AGBL4: variants seen among roughly 807,000 people sequenced by gnomAD.
The protein encoded by AGBL4 is cytosolic carboxypeptidase 6.
A neutral mutation model predicts 66.4 loss-of-function variants in AGBL4; 58 were observed. The observed-to-expected ratio is 0.87, with a 90% CI of 0.71 to 1.09. The LOEUF is 1.09. Among genes scored for constraint, AGBL4 ranks in the 50% least tolerant of loss-of-function variants. The pLI, the probability that AGBL4 is intolerant of heterozygous loss-of-function variation, is 0.00. For missense variants in AGBL4, 579 were observed against 631.0 expected, an observed-to-expected ratio of 0.92 and a Z score of 0.88; for synonymous variants, 234 against 222.9, an observed-to-expected ratio of 1.05 and a Z score of -0.44.
intron 6 of AGBL4, among the ~76,000 whole-genome samples, chr1:48,861,983 T>C (rs1457869737): frequency 6.6e-6 from 1 of 152,162 alleles, no homozygotes; most frequent in Non-Finnish European, 1.5e-5. Context: ...AATGCAAATA[T>C]AATATTTTAC....
chr1:48,609,806 C>A (rs911742966), intron 9 of AGBL4, among the ~76,000 whole-genome samples: 3 of 152,178 alleles, frequency 2.0e-5, no homozygotes, highest in African/African-American at 7.2e-5. Flanking sequence ...GTCTGGCCAA[C>A]TCCTATTTAT....
intron 3 of AGBL4, among the ~76,000 whole-genome samples, chr1:49,252,388 C>T (rs1461173586): frequency 2.0e-5 from 3 of 152,082 alleles, no homozygotes; most frequent in Non-Finnish European, 4.4e-5. Flanking sequence ...TAAACAAAAC[C>T]TCCAAGAGAC....
intron 3 of AGBL4, among the ~76,000 whole-genome samples, chr1:49,327,458 T>C (rs562770606): frequency 6.4e-4 from 98 of 152,314 alleles, no homozygotes; most frequent in Non-Finnish European, 1.2e-3. Flanking sequence ...GGGTAATTTA[T>C]AAACAATAGA....
intron 5 of AGBL4, among the ~76,000 whole-genome samples, chr1:48,940,238 C>T (rs1345231754): frequency 3.9e-5 from 6 of 152,070 alleles, no homozygotes; most frequent in East Asian, 3.9e-4. Flanking sequence ...ATTAGTGGGG[C>T]GTGGTGGCAC....
At chr1:48,908,653 T>C (rs1351842493) in intron 5 of AGBL4, among the ~76,000 whole-genome samples, 2 of 152,218 alleles carry the variant, frequency 1.3e-5, no homozygotes, top group African/African-American at 4.8e-5. Context: ...GAAGTGTTTT[T>C]TTCCATTGAA....
At chr1:49,564,859 C>G (rs1023960127) in intron 3 of AGBL4, among the ~76,000 whole-genome samples, 2 of 152,094 alleles carry the variant, frequency 1.3e-5, no homozygotes, top group African/African-American at 4.8e-5. Context: ...TCCTGGATAT[C>G]CTTCTTAACT....
intron 5 of AGBL4, among the ~76,000 whole-genome samples, chr1:48,892,420 A>G (rs1054169628): frequency 6.6e-6 from 1 of 152,214 alleles, no homozygotes; most frequent in Non-Finnish European, 1.5e-5. Flanking sequence ...CCTAGGACAC[A>G]TGCCTGTAAC....
chr1:49,801,968 G>A (rs970127244), intron 2 of AGBL4, among the ~76,000 whole-genome samples: 1 of 152,152 alleles, frequency 6.6e-6, no homozygotes, highest in South Asian at 2.1e-4. Context: ...ACATATCAGA[G>A]CATTATCTTC....
chr1:49,260,311 G>C (rs572473720), intron 3 of AGBL4, among the ~76,000 whole-genome samples: 2 of 150,606 alleles, frequency 1.3e-5, no homozygotes, highest in Admixed American at 1.3e-4. Context: ...TAAAATCAGA[G>C]CAGAACTGAA....
intron 5 of AGBL4, among the ~76,000 whole-genome samples, chr1:49,034,451 T>A (rs1286381224): frequency 6.6e-6 from 1 of 151,998 alleles, no homozygotes; most frequent in African/African-American, 2.4e-5. Flanking sequence ...TATGCCTAGG[T>A]CTCTGTTCTT....
At chr1:49,421,147 G>A (rs1645537769) in intron 3 of AGBL4, among the ~76,000 whole-genome samples, 1 of 152,162 alleles carries the variant, frequency 6.6e-6, no homozygotes, top group Non-Finnish European at 1.5e-5. Flanking sequence ...CAAAGCCTTA[G>A]TGTCTCTGTA....
intron 6 of AGBL4, among the ~76,000 whole-genome samples, chr1:48,700,147 C>T (rs72902848): frequency 0.018 from 2,736 of 152,216 alleles, 78 homozygotes; most frequent in African/African-American, 0.062. Flanking sequence ...AGGTGCCCAG[C>T]AGATAATTTC....
intron 3 of AGBL4, among the ~76,000 whole-genome samples, chr1:49,549,506 T>C (rs1213825752): frequency 2.0e-5 from 3 of 152,166 alleles, no homozygotes; most frequent in Non-Finnish European, 4.4e-5. Context: ...TTTGAAGAAT[T>C]TCTTAATCTC....
At chr1:49,543,142 C>T (rs1652196100) in intron 3 of AGBL4, among the ~76,000 whole-genome samples, 2 of 152,056 alleles carry the variant, frequency 1.3e-5, no homozygotes, top group Non-Finnish European at 2.9e-5. Flanking sequence ...AGTTCTGTCC[C>T]TCTCTAGTCT....
At position 49,492,470 on chromosome 1, in the gene AGBL4, A is replaced by G. The variant is rs185326510; in HGVS notation, c.282+204843T>C. ...TGGGTAACTGAAACTGTGAAAAGCA[A>G]AACTGTTGATAAGGGGGGACTACTG... On this transcript the variant is annotated intron_variant, in intron 3 of 13. Transcript: ENST00000371839. Among the ~76,000 whole-genome samples, 10 of 152,106 alleles carry G rather than the reference A, an allele frequency of 6.6e-5. No homozygotes were observed. In the East Asian group the frequency reaches 1.9e-3, roughly 29 times the overall value.
intron 5 of AGBL4, among the ~76,000 whole-genome samples, chr1:48,972,727 T>C (rs1659009347): frequency 6.6e-6 from 1 of 152,154 alleles, no homozygotes; most frequent in African/African-American, 2.4e-5. Context: ...AGATCAGTGA[T>C]CAGTATAAGA....
At chr1:49,976,401 CTAGA>C (rs760730228) in intron 1 of AGBL4, among the ~76,000 whole-genome samples, 1 of 152,018 alleles carries the variant, frequency 6.6e-6, no homozygotes, top group East Asian at 1.9e-4. Flanking sequence ...AATAACTGCA[CTAGA>C]TAGATATTGA....
At chr1:49,427,138 CATTG>C (rs563458690) in intron 3 of AGBL4, among the ~76,000 whole-genome samples, 7 of 151,928 alleles carry the variant, frequency 4.6e-5, no homozygotes, top group Non-Finnish European at 7.4e-5. Flanking sequence ...AAAGAAAAAA[CATTG>C]ATTGAGCACC....
chr1:48,680,428 T>A (rs1279018585), intron 6 of AGBL4, among the ~76,000 whole-genome samples: 1 of 152,136 alleles, frequency 6.6e-6, no homozygotes, highest in Admixed American at 6.5e-5. Flanking sequence ...GGTTCATAGA[T>A]GAGAGCAATC....
Sources: gnomAD v4.1 joint callset for allele counts (sites outside exome capture counted in the v4.1 genomes callset) on GRCh38, gnomAD v4.1.1 for gene constraint, MANE v1.5 for transcripts, NCBI Gene and HGNC (gene_info 2026-07-23, HGNC 2026-07-21) for gene names.